Variants in CDRT15L2 observed in about 807,000 individuals in gnomAD.
The protein encoded by CDRT15L2 is CMT1A duplicated region transcript 15 protein-like protein.
CDRT15L2 carries 13 observed loss-of-function variants against 21.5 expected under a neutral mutation model. That is an observed-to-expected ratio of 0.60 (90% CI 0.39 to 0.96). CDRT15L2 has a LOEUF of 0.96. CDRT15L2 is among the 40% of genes least tolerant of loss of function. The pLI, the probability that CDRT15L2 is intolerant of heterozygous loss-of-function variation, is 0.00. For synonymous variants in CDRT15L2, 121 were observed against 144.9 expected (o/e 0.84, Z 1.18); for missense variants, 292 against 354.8 (o/e 0.82, Z 1.42).
Position 20,580,289 on chromosome 17 carries a change from G to A in CDRT15L2, c.406G>A (p.Glu136Lys), listed in dbSNP as rs2043285586. 6.8e-7 allele frequency: 1 copy of A among 1,480,400 alleles called. No individual in the cohort carries two copies. Among genetic ancestry groups the A allele is most frequent in the South Asian group, 1.4e-5 (1 of 72,182 alleles). The allele number at this position is 1,480,400 out of a possible 1,614,324, so 91.7% of individuals were successfully genotyped here. ...AKDQPSQELPEIMAPTVATGL... is the reference protein window; with the variant it reads ...AKDQPSQELPKIMAPTVATGL... ...GGACCAGCCCAGCCAGGAGCTGCCTGAAATCATGGCACCTACTGTAGCCAC... is the reference window on the plus strand; with the variant it reads ...GGACCAGCCCAGCCAGGAGCTGCCTAAAATCATGGCACCTACTGTAGCCAC... The change falls in exon 2 of 2, where the codon GAA (glutamate) becomes AAA (lysine). Residue 136 changes from glutamate to lysine, a missense_variant. Transcript: ENST00000399044.
chr17:20,580,731 A>C lies in CDRT15L2; in HGVS notation c.*2A>C, dbSNP rs758515559. 32 of 1,560,616 alleles carry C rather than the reference A, an allele frequency of 2.1e-5. No homozygotes were observed. The highest frequency in any genetic ancestry group is 5.8e-5 in the Admixed American group (3 of 51,940). On this transcript the variant is annotated 3_prime_UTR_variant, in exon 2 of 2. Coordinates refer to ENST00000399044, the MANE Select transcript of CDRT15L2 (RefSeq NM_001190790.2). ...GTGCTGCCCCGAACGGGCTCTTAAC[A>C]GGTGGGCAGGGGTTGAGGGGACCAG... is the stretch of plus-strand genomic sequence containing the variant.
Position 20,580,535 on chromosome 17 carries a change from T to A in CDRT15L2, c.652T>A (p.Phe218Ile), listed in dbSNP as rs1457597773. Reference sequence around the variant, plus strand: ...CACAGCCCTGCTGCTGCAGGGCCTGTTTATTGTGCTAATTCTGGTGGGGTA... The same window carrying A: ...CACAGCCCTGCTGCTGCAGGGCCTGATTATTGTGCTAATTCTGGTGGGGTA... Reference protein sequence around the residue: ...GTTALLLQGLFIVLILVGYIS... With the variant: ...GTTALLLQGLIIVLILVGYIS... Residue 218 changes from phenylalanine (F) to isoleucine (I), a missense_variant, in exon 2 of 2, where the codon TTT becomes ATT. Transcript: ENST00000399044. The A allele has an allele frequency of 6.4e-6, 10 of 1,550,870 alleles. No individual in the cohort carries two copies. The highest frequency in any genetic ancestry group is 1.4e-5 in the African/African-American group (1 of 73,154).
rs936613289 is a variant in CDRT15L2 at position 20,580,108 on chromosome 17, T to G, written c.266-41T>G. On this transcript the variant is annotated intron_variant, in intron 1 of 1. Coordinates refer to ENST00000399044, the MANE Select transcript of CDRT15L2 (RefSeq NM_001190790.2). ...TTGTCTCTGTGTTTGGAAATTCCAG[T>G]GGAAAGTGACTGATGCTGGTGACCC... 4.8e-6 allele frequency: 7 copies of G among 1,471,460 alleles called. No homozygotes were observed. The Admixed American group carries it at 1.8e-4, about 39-fold the overall frequency. The allele number at this position is 1,471,460 out of a possible 1,614,324, so 91.2% of individuals were successfully genotyped here.
Position 20,579,814 on chromosome 17 carries a change from G to A in CDRT15L2, c.71G>A (p.Arg24Gln), listed in dbSNP as rs754601742. 9.3e-6 allele frequency: 15 copies of A among 1,611,314 alleles called. No individual in the cohort carries two copies. Among genetic ancestry groups the A allele is most frequent in the East Asian group, 2.2e-5 (1 of 44,880 alleles). ...FRNGGSESLF[R>Q]QCRRRLIPHP... ...AATGGAGGGAGTGAGAGCCTTTTCCGACAATGCCGAAGAAGGCTCATCCCT... is the reference window on the plus strand; with the variant it reads ...AATGGAGGGAGTGAGAGCCTTTTCCAACAATGCCGAAGAAGGCTCATCCCT... Residue 24 changes from arginine (R) to glutamine (Q), a missense_variant, in exon 1 of 2, where the codon CGA becomes CAA. Coordinates refer to ENST00000399044, the MANE Select transcript of CDRT15L2 (RefSeq NM_001190790.2).
rs544869334 is a variant in CDRT15L2 at position 20,580,044 on chromosome 17, C to T, written c.265+36C>T. The T allele has an allele frequency of 5.1e-5, 76 of 1,502,610 alleles. 1 individual carries two copies. Among genetic ancestry groups the T allele is most frequent in the Non-Finnish European group, 6.0e-5 (67 of 1,124,172 alleles). The allele number at this position is 1,502,610 out of a possible 1,614,324, so 93.1% of individuals were successfully genotyped here. On this transcript the variant is annotated intron_variant, in intron 1 of 1. Transcript: ENST00000399044. ...TGCAGCCTGGAAGACTTTGCGGGGG[C>T]GGTGCTTTTGGGCTGGAATGCCTTT...
rs897397230 is a variant in CDRT15L2 at position 20,580,567 on chromosome 17, T to C, written c.684T>C (p.Ser228=). 2 of 1,551,182 alleles carry C rather than the reference T, an allele frequency of 1.3e-6. No homozygotes were observed. The highest frequency in any genetic ancestry group is 2.7e-5 in the African/African-American group (2 of 73,052). ...TGCTAATTCTGGTGGGGTATATCTC[T>C]GTGAAGGTGATGCTCAAGAGCATTA... ...FIVLILVGYI[S]VKVMLKSIKT... Residue 228 remains serine (S), a synonymous_variant, in exon 2 of 2, where the codon TCT becomes TCC. Coordinates refer to ENST00000399044, the MANE Select transcript of CDRT15L2 (RefSeq NM_001190790.2).
At position 20,580,196 on chromosome 17, in the gene CDRT15L2, G is replaced by C. The variant is rs199616807; in HGVS notation, c.313G>C (p.Glu105Gln). 3.3e-5 allele frequency: 49 copies of C among 1,472,822 alleles called. No homozygotes were observed. The highest frequency in any genetic ancestry group is 4.3e-5 in the Non-Finnish European group (48 of 1,111,408). The allele number at this position is 1,472,822 out of a possible 1,614,324, so 91.2% of individuals were successfully genotyped here. A position where few individuals can be genotyped will look rare whatever the true frequency, so the allele number is the denominator to read the frequency against. Residue 105 changes from glutamate to glutamine, a missense_variant, in exon 2 of 2, where the codon GAG becomes CAG. Physicochemically the swap from Glu to Gln is conservative, Grantham distance 29 (BLOSUM62 2). Transcript: ENST00000399044. The part of the protein sequence containing the change: ...DIAALAAPAV[E>Q]PKPAWEEPPP... Reference sequence around the variant, plus strand: ...AGCAGCACTTGCGGCACCGGCTGTCGAGCCAAAGCCAGCATGGGAAGAGCC... The same window carrying C: ...AGCAGCACTTGCGGCACCGGCTGTCCAGCCAAAGCCAGCATGGGAAGAGCC...
At position 20,579,886 on chromosome 17, in the gene CDRT15L2, C is replaced by G; in HGVS notation, c.143C>G (p.Pro48Arg). The G allele has an allele frequency of 6.2e-7, 1 of 1,609,406 alleles. No homozygotes were observed. The highest frequency in any genetic ancestry group is 1.7e-5 in the Admixed American group (1 of 59,264). The change falls in exon 1 of 2, where the codon CCA becomes CGA. Residue 48 changes from proline to arginine, a missense_variant. By Grantham distance (103) the Pro-to-Arg change is moderately radical. Coordinates refer to ENST00000399044, the MANE Select transcript of CDRT15L2 (RefSeq NM_001190790.2). Reference protein sequence around the residue: ...WPFVRRRTQVPQDSPGQALAG... With the variant: ...WPFVRRRTQVRQDSPGQALAG... The stretch of plus-strand genomic sequence containing the variant: ...TTTGTAAGAAGGCGCACCCAGGTAC[C>G]ACAGGACAGCCCGGGGCAGGCCCTA...
Position 20,580,580 on chromosome 17 carries a change from C to G in CDRT15L2, c.697C>G (p.Leu233Val). ...LVGYISVKVM[L>V]KSIKTRLGRR... The stretch of plus-strand genomic sequence containing the variant: ...GGGGTATATCTCTGTGAAGGTGATG[C>G]TCAAGAGCATTAAAACAAGGCTGGG... The change falls in exon 2 of 2, where the codon CTC becomes GTC. Residue 233 changes from leucine to valine, a missense_variant. Physicochemically the swap from Leu to Val is conservative, Grantham distance 32. Transcript: ENST00000399044. 6.4e-7 allele frequency: 1 copy of G among 1,551,480 alleles called. No individual in the cohort carries two copies. Among genetic ancestry groups the G allele is most frequent in the Non-Finnish European group, 8.7e-7 (1 of 1,147,028 alleles).
In CDRT15L2 at chr17:20,580,577, A is replaced by T. The variant is rs778967620; in HGVS notation, c.694A>T (p.Met232Leu). Residue 232 changes from methionine to leucine, a missense_variant, in exon 2 of 2, where the codon ATG becomes TTG. Physicochemically the swap from Met to Leu is conservative, Grantham distance 15 (BLOSUM62 2). Transcript: ENST00000399044. ...ILVGYISVKV[M>L]LKSIKTRLGR... ...GGTGGGGTATATCTCTGTGAAGGTGATGCTCAAGAGCATTAAAACAAGGCT... is the reference window on the plus strand; with the variant it reads ...GGTGGGGTATATCTCTGTGAAGGTGTTGCTCAAGAGCATTAAAACAAGGCT... 185 of 1,551,338 alleles carry T rather than the reference A, an allele frequency of 1.2e-4. No homozygotes were observed. The highest frequency in any genetic ancestry group is 1.5e-4 in the Non-Finnish European group (167 of 1,147,046).
At position 20,579,877 on chromosome 17, in the gene CDRT15L2, C is replaced by T. The variant is rs1483556773; in HGVS notation, c.134C>T (p.Thr45Ile). 1 of 1,611,038 alleles carries T rather than the reference C, an allele frequency of 6.2e-7. No homozygotes were observed. The highest frequency in any genetic ancestry group is 1.3e-5 in the African/African-American group (1 of 75,004). ...CTGTGGCCCTTTGTAAGAAGGCGCA[C>T]CCAGGTACCACAGGACAGCCCGGGG... is the stretch of plus-strand genomic sequence containing the variant. ...RRLWPFVRRR[T>I]QVPQDSPGQA... Residue 45 changes from threonine to isoleucine, a missense_variant, in exon 1 of 2, where the codon ACC (threonine) becomes ATC (isoleucine). Thr to Ile is a moderately conservative substitution (Grantham distance 89). Transcript: ENST00000399044.
rs1030037562 is a variant in CDRT15L2, at chr17:20,580,410, C to T, written c.527C>T (p.Pro176Leu). 7 of 1,537,878 alleles carry T rather than the reference C, an allele frequency of 4.6e-6. No individual in the cohort carries two copies. The African/African-American group carries it at 8.3e-5, about 18-fold the overall frequency. The stretch of plus-strand genomic sequence containing the variant: ...CCAGCCAGCAGATCCCATGCTGCCC[C>T]TAGTCCTGGGCATGGTGGCAAACAT... The part of the protein sequence containing the change: ...TAPASRSHAA[P>L]SPGHGGKHGG... Residue 176 changes from proline to leucine, a missense_variant, in exon 2 of 2, where the codon CCT (proline) becomes CTT (leucine). Coordinates refer to ENST00000399044, the MANE Select transcript of CDRT15L2 (RefSeq NM_001190790.2).
chr17:20,579,885 C>T lies in CDRT15L2; in HGVS notation c.142C>T (p.Pro48Ser), dbSNP rs2043282165. 9 of 1,610,034 alleles carry T rather than the reference C, an allele frequency of 5.6e-6. No homozygotes were observed. The highest frequency in any genetic ancestry group is 4.0e-5 in the African/African-American group (3 of 74,966). ...WPFVRRRTQV[P>S]QDSPGQALAG... The stretch of plus-strand genomic sequence containing the variant: ...CTTTGTAAGAAGGCGCACCCAGGTA[C>T]CACAGGACAGCCCGGGGCAGGCCCT... The change falls in exon 1 of 2, where the codon CCA becomes TCA. Residue 48 changes from proline to serine, a missense_variant. Physicochemically the swap from Pro to Ser is moderately conservative, Grantham distance 74. Transcript: ENST00000399044.
rs1200663722 is a variant in CDRT15L2 at position 20,580,831 on chromosome 17, C to T, written c.*102C>T. 1 of 663,312 alleles carries T rather than the reference C, an allele frequency of 1.5e-6. No homozygotes were observed. Among genetic ancestry groups the T allele is most frequent in the Non-Finnish European group, 2.6e-6 (1 of 383,548 alleles). The allele number at this position is 663,312 out of a possible 1,614,324, so 41.1% of individuals were successfully genotyped here. ...GTGCTCCAGGCTCTCCATGCCACCA[C>T]CTGCCCTAGCATTTATTAATAGTGT... On this transcript the variant is annotated 3_prime_UTR_variant, in exon 2 of 2. Transcript: ENST00000399044.
Position 20,580,667 on chromosome 17 carries a change from T to C in CDRT15L2, c.784T>C (p.Cys262Arg). The C allele has an allele frequency of 1.3e-6, 2 of 1,559,276 alleles. No homozygotes were observed. The highest frequency in any genetic ancestry group is 8.7e-7 in the Non-Finnish European group (1 of 1,150,640). Residue 262 changes from cysteine to arginine, a missense_variant, in exon 2 of 2, where the codon TGT becomes CGT. Transcript: ENST00000399044. ...RRNLLLQAWK[C>R]VCNWASRLFA... Reference sequence around the variant, plus strand: ...CAATCTTCTCCTCCAGGCATGGAAGTGTGTCTGCAACTGGGCATCCAGGCT... The same window carrying C: ...CAATCTTCTCCTCCAGGCATGGAAGCGTGTCTGCAACTGGGCATCCAGGCT...
Position 20,580,207 on chromosome 17 carries a change from A to T in CDRT15L2, c.324A>T (p.Pro108=). Residue 108 remains proline (P), a synonymous_variant, in exon 2 of 2, where the codon CCA becomes CCT. Transcript: ENST00000399044. ...ALAAPAVEPK[P]AWEEPPPERA... ...CGGCACCGGCTGTCGAGCCAAAGCCAGCATGGGAAGAGCCCCCTCCAGAGA... is the reference window on the plus strand; with the variant it reads ...CGGCACCGGCTGTCGAGCCAAAGCCTGCATGGGAAGAGCCCCCTCCAGAGA... 1 of 1,471,876 alleles carries T rather than the reference A, an allele frequency of 6.8e-7. No individual in the cohort carries two copies. The highest frequency in any genetic ancestry group is 9.0e-7 in the Non-Finnish European group (1 of 1,111,392). 91.2% of individuals were successfully genotyped at this position (1,471,876 alleles called of 1,614,324 possible). A position where few individuals can be genotyped will look rare whatever the true frequency, so the allele number is the denominator to read the frequency against.
Position 20,580,646 on chromosome 17 carries a change from C to T in CDRT15L2, c.763C>T (p.Leu255Phe). The T allele has an allele frequency of 6.4e-7, 1 of 1,554,354 alleles. No individual in the cohort carries two copies. The highest frequency in any genetic ancestry group is 8.7e-7 in the Non-Finnish European group (1 of 1,148,188). The change falls in exon 2 of 2, where the codon CTT (leucine) becomes TTT (phenylalanine). Residue 255 changes from leucine (L) to phenylalanine (F), a missense_variant. By Grantham distance (22) the Leu-to-Phe change is conservative. Transcript: ENST00000399044. ...AGCTCCTCCTGCTCTCAGACGCAAT[C>T]TTCTCCTCCAGGCATGGAAGTGTGT... The part of the protein sequence containing the change: ...PAAPPALRRN[L>F]LLQAWKCVCN...
Position 20,580,871 on chromosome 17 carries a change from T to C in CDRT15L2, c.*142T>C. The C allele has an allele frequency of 1.8e-6, 1 of 570,018 alleles. No individual in the cohort carries two copies. The highest frequency in any genetic ancestry group is 2.7e-5 in the South Asian group (1 of 36,748). The allele number at this position is 570,018 out of a possible 1,614,324, so 35.3% of individuals were successfully genotyped here. Reference sequence around the variant, plus strand: ...ATTAATAGTGTTAGAATTACAAGTTTATGAAATGAAATATAAATAAAGTTT... The same window carrying C: ...ATTAATAGTGTTAGAATTACAAGTTCATGAAATGAAATATAAATAAAGTTT... On this transcript the variant is annotated 3_prime_UTR_variant, in exon 2 of 2. Transcript: ENST00000399044.
Position 20,580,006 on chromosome 17 carries a change from A to G in CDRT15L2, c.263A>G (p.His88Arg), listed in dbSNP as rs1311424895. Reference sequence around the variant, plus strand: ...CGGGAGCCCATGGAGGCACAGACACATGGTGAGGTGGCTGCAGCCTGGAAG... The same window carrying G: ...CGGGAGCCCATGGAGGCACAGACACGTGGTGAGGTGGCTGCAGCCTGGAAG... Reference protein sequence around the residue: ...EIREPMEAQTHAPGPYADIAA... With the variant: ...EIREPMEAQTRAPGPYADIAA... Residue 88 changes from histidine to arginine, a missense_variant and splice_region_variant, in exon 1 of 2, where the codon CAT (histidine) becomes CGT (arginine). By Grantham distance (29) the His-to-Arg change is conservative. Coordinates refer to ENST00000399044, the MANE Select transcript of CDRT15L2 (RefSeq NM_001190790.2). The G allele has an allele frequency of 5.2e-6, 8 of 1,533,338 alleles. No homozygotes were observed. Among genetic ancestry groups the G allele is most frequent in the East Asian group, 4.9e-5 (2 of 41,080 alleles). 95.0% of individuals were successfully genotyped at this position (1,533,338 alleles called of 1,614,324 possible).
Sources: gnomAD v4.1 joint callset for allele counts on GRCh38, gnomAD v4.1.1 for gene constraint, MANE v1.5 for transcripts, NCBI Gene and HGNC (gene_info 2026-07-23, HGNC 2026-07-21) for gene names.